The following FLI1 variants were observed in gnomAD, a reference collection of about 807,000 sequenced individuals.
FLI1 encodes Fli-1 proto-oncogene, ETS transcription factor.
A neutral mutation model predicts 53.1 loss-of-function variants in FLI1; 13 were observed. The ratio of observed to expected loss-of-function variants is 0.24; its 90% CI spans 0.16 to 0.39. The LOEUF is 0.39. Among genes scored for constraint, FLI1 ranks in the 10% least tolerant of loss-of-function variants. The pLI, the probability that FLI1 is intolerant of heterozygous loss-of-function variation, is 1.00. For synonymous variants in FLI1, 244 were observed against 236.7 expected (o/e 1.03, Z -0.28); for missense variants, 424 against 600.5 (o/e 0.71, Z 3.07).
intron 1 of FLI1, among the ~76,000 whole-genome samples, chr11:128,742,421 A>G (rs1940178413): frequency 6.6e-6 from 1 of 152,240 alleles, no homozygotes; most frequent in African/African-American, 2.4e-5. Context: ...CCATTGTGAG[A>G]CAAGACATGT....
At chr11:128,745,689 C>A (rs573466507) in intron 1 of FLI1, among the ~76,000 whole-genome samples, 1 of 152,346 alleles carries the variant, frequency 6.6e-6, no homozygotes, top group East Asian at 1.9e-4. Flanking sequence ...ATCTGTGCGT[C>A]GAGTTGAAGC....
At chr11:128,797,152 C>T (rs75818986) in intron 5 of FLI1, among the ~76,000 whole-genome samples, 87 of 152,284 alleles carry the variant, frequency 5.7e-4, no homozygotes, top group Non-Finnish European at 1.0e-3. Flanking sequence ...TTTGAATGGC[C>T]GTTCTAATTC....
intron 1 of FLI1, among the ~76,000 whole-genome samples, chr11:128,708,650 T>C (rs1409652262): frequency 6.6e-6 from 1 of 151,978 alleles, no homozygotes; most frequent in Non-Finnish European, 1.5e-5. Context: ...AAAACTGGAG[T>C]AGTGAGTTGC....
At chr11:128,690,531 C>G (rs2135677218), upstream of FLI1, among the ~76,000 whole-genome samples, 1 of 152,264 alleles carries the variant, frequency 6.6e-6, no homozygotes, top group East Asian at 1.9e-4. Flanking sequence ...TGACATTGAG[C>G]GAGCCAAGAC....
intron 1 of FLI1, among the ~76,000 whole-genome samples, chr11:128,748,641 AAAAG>A (rs1451542726): frequency 5.9e-5 from 9 of 152,198 alleles, no homozygotes; most frequent in South Asian, 4.1e-4. Flanking sequence ...CTCAAAAAAA[AAAAG>A]AAAGAAAGAA....
chr11:128,748,174 A>G (rs564357118), intron 1 of FLI1: 65 of 655,980 alleles, frequency 9.9e-5, no homozygotes, highest in Admixed American at 8.2e-4. Context: ...TATACCCTTC[A>G]TTTGTAAAAC....
upstream of FLI1, among the ~76,000 whole-genome samples, chr11:128,690,810 C>G (rs1330496636): frequency 6.6e-6 from 1 of 152,160 alleles, no homozygotes; most frequent in Non-Finnish European, 1.5e-5. Flanking sequence ...GAAGAGCTTC[C>G]TTGGCTGTGA....
chr11:128,785,884 T>G (rs1054464493), intron 5 of FLI1, among the ~76,000 whole-genome samples: 2 of 152,190 alleles, frequency 1.3e-5, no homozygotes, highest in African/African-American at 4.8e-5. Flanking sequence ...AGAGTTTCAA[T>G]TTGGGAAGAT....
intron 4 of FLI1, among the ~76,000 whole-genome samples, chr11:128,779,927 T>C (rs1273751266): frequency 1.3e-5 from 2 of 152,270 alleles, no homozygotes; most frequent in Admixed American, 1.3e-4. Flanking sequence ...CTGTATAGCA[T>C]GTTATTGTAC....
intron 5 of FLI1, among the ~76,000 whole-genome samples, chr11:128,788,916 G>C (rs1229326980): frequency 6.6e-6 from 1 of 152,196 alleles, no homozygotes; most frequent in East Asian, 1.9e-4. Context: ...GCAGGTTCTA[G>C]TCAAACAGAG....
At chr11:128,738,791 C>G (rs1159566738) in intron 1 of FLI1, among the ~76,000 whole-genome samples, 4 of 152,186 alleles carry the variant, frequency 2.6e-5, no homozygotes, top group Non-Finnish European at 4.4e-5. Context: ...TTTTTATGTG[C>G]AGCTCTGTGA....
intron 1 of FLI1, among the ~76,000 whole-genome samples, chr11:128,717,515 G>A (rs1259616037): frequency 6.6e-6 from 1 of 152,178 alleles, no homozygotes; most frequent in Non-Finnish European, 1.5e-5. Flanking sequence ...ACCCCAAAGG[G>A]CAGTTTGGGA....
intron 5 of FLI1, among the ~76,000 whole-genome samples, chr11:128,796,137 G>T (rs898591888): frequency 1.1e-4 from 17 of 152,238 alleles, no homozygotes; most frequent in East Asian, 5.8e-4. Flanking sequence ...CCATTTCCCT[G>T]TTTGGAATGG....
At chr11:128,727,554 A>T (rs150016814) in intron 1 of FLI1, among the ~76,000 whole-genome samples, 21 of 152,318 alleles carry the variant, frequency 1.4e-4, no homozygotes, top group African/African-American at 5.1e-4. Context: ...GAAAGGGCTG[A>T]TGTATCAGCT....
chr11:128,694,171 G>T lies in FLI1; in HGVS notation c.-88G>T. 7.0e-7 allele frequency: 1 copy of T among 1,436,516 alleles called. No homozygotes were observed. The highest frequency in any genetic ancestry group is 9.2e-7 in the Non-Finnish European group (1 of 1,081,188). The allele number at this position is 1,436,516 out of a possible 1,614,324, so 89.0% of individuals were successfully genotyped here. ...GGGCCCAGGGCGCCAGGGAGGCCGCGCCGGGCTAATCCGAAGGGGCTGCGA... is the reference window on the plus strand; with the variant it reads ...GGGCCCAGGGCGCCAGGGAGGCCGCTCCGGGCTAATCCGAAGGGGCTGCGA... On this transcript the variant is annotated 5_prime_UTR_variant, in exon 1 of 9. Transcript: ENST00000527786.
intron 6 of FLI1, chr11:128,805,799 G>A (rs942176064): frequency 2.7e-4 from 49 of 182,788 alleles, no homozygotes; most frequent in African/African-American, 1.0e-3. Context: ...AGGCTAAGTC[G>A]TACCAATTTC....
At chr11:128,705,783 G>C (rs1404318518) in intron 1 of FLI1, among the ~76,000 whole-genome samples, 1 of 152,018 alleles carries the variant, frequency 6.6e-6, no homozygotes. Flanking sequence ...TTTTTCCTTT[G>C]GCAGAACAAA....
intron 1 of FLI1, among the ~76,000 whole-genome samples, chr11:128,754,830 G>A (rs116995009): frequency 1.5e-3 from 225 of 152,362 alleles, no homozygotes; most frequent in Non-Finnish European, 2.8e-3. Context: ...GAAGTGTGAG[G>A]CATTCCCGGT....
intron 1 of FLI1, among the ~76,000 whole-genome samples, chr11:128,709,962 A>T (rs1938717270): frequency 6.6e-6 from 1 of 152,220 alleles, no homozygotes; most frequent in South Asian, 2.1e-4. Flanking sequence ...GGTTTAACTG[A>T]CTTTGGTGTG....
Sources: allele counts gnomAD v4.1 joint callset (sites outside exome capture counted in the v4.1 genomes callset), GRCh38; gene constraint gnomAD v4.1.1; transcripts MANE v1.5; gene names NCBI Gene and HGNC (gene_info 2026-07-23, HGNC 2026-07-21).